Variants in STK32B observed in about 807,000 individuals in gnomAD.
The protein encoded by STK32B is serine/threonine-protein kinase 32B.
Under a neutral mutation model 52.6 loss-of-function variants are expected in STK32B, and 43 were observed. That is an observed-to-expected ratio of 0.82 (90% confidence interval 0.64 to 1.05). The LOEUF (loss-of-function observed/expected upper bound fraction) is 1.05, where lower values mean the gene tolerates loss of function less well. Ranked by LOEUF, STK32B falls within the 50% of genes least tolerant of loss-of-function variation. STK32B has a pLI of 0.00. For synonymous variants in STK32B, 238 were observed against 204.3 expected, an observed-to-expected ratio of 1.17 and a Z score of -1.41; for missense variants, 621 against 534.6, an observed-to-expected ratio of 1.16 and a Z score of -1.59.
intron 3 of STK32B, among the ~76,000 whole-genome samples, chr4:5,286,870 T>C (rs564348371): frequency 6.8e-6 from 1 of 146,936 alleles, no homozygotes; most frequent in African/African-American, 2.6e-5. Context: ...CGATCTTGGC[T>C]CACTGCAACC....
upstream of STK32B, among the ~76,000 whole-genome samples, chr4:5,050,164 G>A (rs1299290375): frequency 6.6e-6 from 1 of 152,176 alleles, no homozygotes; most frequent in East Asian, 1.9e-4. Flanking sequence ...ATGCTTGTTG[G>A]TGGAATGAAA....
chr4:5,193,897 G>A (rs539535338), intron 3 of STK32B, among the ~76,000 whole-genome samples: 4 of 152,290 alleles, frequency 2.6e-5, no homozygotes, highest in Admixed American at 2.6e-4. Flanking sequence ...TCTGTGCTGG[G>A]CACCTCCTTC....
intron 4 of STK32B, among the ~76,000 whole-genome samples, chr4:5,335,245 AT>A (rs2108960809): frequency 6.6e-6 from 1 of 151,840 alleles, no homozygotes; most frequent in Non-Finnish European, 1.5e-5. Context: ...TTTCTTCTAG[AT>A]TTTCTAGTTT....
At chr4:5,143,132 T>TGTCC (rs60026489) in intron 2 of STK32B, among the ~76,000 whole-genome samples, 1 of 129,796 alleles carries the variant, frequency 7.7e-6, no homozygotes, top group Non-Finnish European at 1.7e-5. Context: ...TCTGTCTGTC[T>TGTCC]ATCTGTCTGT....
At chr4:5,433,870 G>A (rs981653385) in intron 6 of STK32B, among the ~76,000 whole-genome samples, 14 of 152,094 alleles carry the variant, frequency 9.2e-5, no homozygotes, top group African/African-American at 3.4e-4. Context: ...TTAGTGAGGG[G>A]GCAAATCCCA....
At chr4:5,161,077 T>A (rs530237091) in intron 2 of STK32B, among the ~76,000 whole-genome samples, 2 of 152,310 alleles carry the variant, frequency 1.3e-5, no homozygotes, top group South Asian at 4.1e-4. Context: ...ACATATTGTC[T>A]GATTATCCCA....
chr4:5,242,646 C>T (rs931306543), intron 3 of STK32B, among the ~76,000 whole-genome samples: 10 of 152,108 alleles, frequency 6.6e-5, no homozygotes, highest in Non-Finnish European at 1.2e-4. Context: ...ACATGACGTC[C>T]TTGCCCATGC....
At chr4:5,165,851 C>G (rs1718829829) in intron 2 of STK32B, among the ~76,000 whole-genome samples, 1 of 152,166 alleles carries the variant, frequency 6.6e-6, no homozygotes, top group Non-Finnish European at 1.5e-5. Flanking sequence ...GAAAAAACAT[C>G]TTTTTGGAGA....
intron 3 of STK32B, among the ~76,000 whole-genome samples, chr4:5,249,617 A>T (rs576276293): frequency 7.2e-5 from 11 of 152,226 alleles, no homozygotes; most frequent in African/African-American, 2.6e-4. Flanking sequence ...ATAGTGAAAC[A>T]TAGGTTTAAC....
At chr4:5,099,846 T>G (rs1042266108) in intron 1 of STK32B, among the ~76,000 whole-genome samples, 1 of 152,098 alleles carries the variant, frequency 6.6e-6, no homozygotes, top group African/African-American at 2.4e-5. Context: ...AAGCGGGACC[T>G]GTCTGAGCCA....
the STK32B span, among the ~76,000 whole-genome samples, chr4:5,023,869 G>A: frequency 6.6e-6 from 1 of 152,168 alleles, no homozygotes; most frequent in African/African-American, 2.4e-5. Context: ...ACACTATGTG[G>A]GACCCAGACT....
At chr4:5,438,057 T>G (rs1048299214) in intron 6 of STK32B, 7 of 985,618 alleles carry the variant, frequency 7.1e-6, no homozygotes, top group Non-Finnish European at 8.4e-6. Context: ...CTGAATGGAC[T>G]TGGGGCTGCC....
At chr4:5,315,504 T>C (rs1730611793) in intron 3 of STK32B, among the ~76,000 whole-genome samples, 1 of 145,474 alleles carries the variant, frequency 6.9e-6, no homozygotes, top group Admixed American at 6.6e-5. Flanking sequence ...TAAAACTGTA[T>C]GTATGTTTAT....
At chr4:5,135,804 A>G (rs1716041170) in intron 1 of STK32B, among the ~76,000 whole-genome samples, 1 of 152,206 alleles carries the variant, frequency 6.6e-6, no homozygotes, top group Admixed American at 6.5e-5. Flanking sequence ...CCTCACATAC[A>G]CAAAAAATGC....
chr4:5,243,051 G>T (rs201895870), intron 3 of STK32B, among the ~76,000 whole-genome samples: 10,941 of 152,190 alleles, frequency 0.072, 564 homozygotes, highest in African/African-American at 0.15. Flanking sequence ...GGATTGACTT[G>T]GTGATGCGGG....
chr4:5,299,946 A>G (rs368371008), intron 3 of STK32B, among the ~76,000 whole-genome samples: 7 of 152,282 alleles, frequency 4.6e-5, no homozygotes, highest in South Asian at 2.1e-4. Flanking sequence ...CTATGAAACT[A>G]GTATCATTCT....
At chr4:5,136,400 G>A (rs1716082420) in intron 1 of STK32B, among the ~76,000 whole-genome samples, 2 of 151,696 alleles carry the variant, frequency 1.3e-5, no homozygotes, top group African/African-American at 4.9e-5. Flanking sequence ...TAAGAGTCTG[G>A]TGGTGAGATA....
chr4:5,115,689 A>G (rs560408631), intron 1 of STK32B, among the ~76,000 whole-genome samples: 1 of 152,286 alleles, frequency 6.6e-6, no homozygotes, highest in South Asian at 2.1e-4. Context: ...GCCACAGGAC[A>G]CGTCCTCAGG....
upstream of STK32B, among the ~76,000 whole-genome samples, chr4:5,050,592 G>A (rs916902550): frequency 1.3e-5 from 2 of 152,106 alleles, no homozygotes; most frequent in African/African-American, 4.8e-5. Context: ...ATCAAAGCAC[G>A]GACAGTGGTT....
Sources: gnomAD v4.1 joint callset for allele counts (sites outside exome capture counted in the v4.1 genomes callset) on GRCh38, gnomAD v4.1.1 for gene constraint, MANE v1.5 for transcripts, NCBI Gene and HGNC (gene_info 2026-07-23, HGNC 2026-07-21) for gene names.